Variants in CNTN4 observed in about 807,000 individuals in gnomAD.
CNTN4 encodes the protein contactin-4.
A neutral mutation model predicts 122.5 loss-of-function variants in CNTN4; 77 were observed. The observed-to-expected ratio is 0.63, with a 90% confidence interval of 0.52 to 0.76. The LOEUF is 0.76. Ranked by LOEUF, CNTN4 falls within the 30% of genes least tolerant of loss-of-function variation. The pLI is 0.00. For synonymous variants in CNTN4, 512 were observed against 447.0 expected, an observed-to-expected ratio of 1.15 and a Z score of -1.83; for missense variants, 1,256 against 1,259.1, an observed-to-expected ratio of 1.00 and a Z score of 0.04.
chr3:2,329,377 T>G (rs1193535715), intron 2 of CNTN4, among the ~76,000 whole-genome samples: 1 of 152,206 alleles, frequency 6.6e-6, no homozygotes, highest in African/African-American at 2.4e-5. Flanking sequence ...AGACCATGTT[T>G]CCTTCACTTC....
At chr3:2,825,072 G>C (rs1031563074) in intron 7 of CNTN4, among the ~76,000 whole-genome samples, 2 of 152,116 alleles carry the variant, frequency 1.3e-5, no homozygotes, top group Non-Finnish European at 2.9e-5. Context: ...GCTTTTCCTA[G>C]GTACTCATAC....
chr3:2,473,199 C>T (rs558789586), intron 3 of CNTN4, among the ~76,000 whole-genome samples: 1 of 148,692 alleles, frequency 6.7e-6, no homozygotes, highest in African/African-American at 2.5e-5. Flanking sequence ...CCACTGTGCT[C>T]CAGCCTGGGC....
intron 4 of CNTN4, among the ~76,000 whole-genome samples, chr3:2,729,562 A>AG (rs1413183372): frequency 6.7e-6 from 1 of 150,306 alleles, no homozygotes; most frequent in Non-Finnish European, 1.5e-5. Context: ...AAAAAAAAAA[A>AG]AGAAGAGAAA....
intron 6 of CNTN4, among the ~76,000 whole-genome samples, chr3:2,761,164 A>C (rs757684483): frequency 1.3e-5 from 2 of 152,198 alleles, no homozygotes; most frequent in Non-Finnish European, 2.9e-5. Context: ...GGTTTATTTT[A>C]AATGGGCGGT....
chr3:2,805,989 T>C (rs746005600), intron 6 of CNTN4, among the ~76,000 whole-genome samples: 4 of 152,012 alleles, frequency 2.6e-5, no homozygotes, highest in African/African-American at 4.8e-5. Context: ...GCAAGCTCCA[T>C]CTCCCGGGTT....
intron 3 of CNTN4, among the ~76,000 whole-genome samples, chr3:2,383,259 C>G (rs1304684641): frequency 6.6e-6 from 1 of 152,024 alleles, no homozygotes. Flanking sequence ...GCATGTGAAT[C>G]CTTTTTATAA....
intron 2 of CNTN4, among the ~76,000 whole-genome samples, chr3:2,285,458 A>T (rs756762309): frequency 6.6e-6 from 1 of 152,126 alleles, no homozygotes; most frequent in Non-Finnish European, 1.5e-5. Context: ...GAGCATTGGG[A>T]TACCTCACAG....
intron 2 of CNTN4, among the ~76,000 whole-genome samples, chr3:2,208,353 A>G (rs1246144980): frequency 6.6e-6 from 1 of 152,172 alleles, no homozygotes; most frequent in Admixed American, 6.6e-5. Context: ...AATGTGGTTG[A>G]AAGAGCAAGA....
At chr3:2,748,798 C>A (rs1210063625) in intron 6 of CNTN4, among the ~76,000 whole-genome samples, 2 of 152,190 alleles carry the variant, frequency 1.3e-5, no homozygotes, top group African/African-American at 2.4e-5. Flanking sequence ...CCAGAGTAAT[C>A]TTTTAAAAAA....
At chr3:2,396,811 T>G (rs1245710314) in intron 3 of CNTN4, among the ~76,000 whole-genome samples, 1 of 152,120 alleles carries the variant, frequency 6.6e-6, no homozygotes, top group Non-Finnish European at 1.5e-5. Flanking sequence ...TGGCATCAGC[T>G]CCTCAGAACC....
intron 16 of CNTN4, among the ~76,000 whole-genome samples, chr3:3,031,280 A>G (rs1699140997): frequency 6.6e-6 from 1 of 152,194 alleles, no homozygotes; most frequent in African/African-American, 2.4e-5. Context: ...TAGGTGAACA[A>G]AAGCAGATAG....
At chr3:2,721,637 A>G (rs2149397968) in intron 4 of CNTN4, among the ~76,000 whole-genome samples, 1 of 152,268 alleles carries the variant, frequency 6.6e-6, no homozygotes, top group Admixed American at 6.5e-5. Flanking sequence ...CAAACACACT[A>G]AGCACCCTCT....
At chr3:2,323,082 C>G (rs777112862) in intron 2 of CNTN4, among the ~76,000 whole-genome samples, 5 of 152,150 alleles carry the variant, frequency 3.3e-5, no homozygotes, top group Non-Finnish European at 7.3e-5. Context: ...CTTGCAAGAG[C>G]TCTCTTGCCT....
At chr3:2,456,995 G>A (rs957625697) in intron 3 of CNTN4, among the ~76,000 whole-genome samples, 4 of 152,016 alleles carry the variant, frequency 2.6e-5, no homozygotes, top group Admixed American at 6.6e-5. Flanking sequence ...TCTGTTTTAC[G>A]AATGAGGAAA....
At chr3:2,884,798 C>G (rs1235074171) in intron 9 of CNTN4, among the ~76,000 whole-genome samples, 2 of 152,296 alleles carry the variant, frequency 1.3e-5, no homozygotes, top group South Asian at 2.1e-4. Context: ...GAATTAAACT[C>G]TATTCACACT....
intron 2 of CNTN4, among the ~76,000 whole-genome samples, chr3:2,201,396 T>C (rs971388250): frequency 1.3e-5 from 2 of 152,184 alleles, no homozygotes; most frequent in Admixed American, 6.5e-5. Context: ...AATCAATAGC[T>C]AGGTGAATGC....
chr3:2,677,305 C>T lies in CNTN4; in HGVS notation c.56-58910C>T, dbSNP rs538312245. On this transcript the variant is annotated intron_variant, in intron 4 of 24. Coordinates refer to ENST00000418658, the MANE Select transcript of CNTN4 (RefSeq NM_175607.3). ...CTGAACACCAGACATCCAGTGAATA[C>T]AGCTGAAGATGTAACCCATTGAGAT... Among the ~76,000 whole-genome samples, 4 of 148,590 alleles carry T rather than the reference C, an allele frequency of 2.7e-5. No homozygotes were observed. In the South Asian group the frequency reaches 8.6e-4, roughly 32 times the overall value.
At chr3:2,341,349 C>G (rs947395096) in intron 3 of CNTN4, among the ~76,000 whole-genome samples, 27 of 152,096 alleles carry the variant, frequency 1.8e-4, no homozygotes, top group African/African-American at 6.3e-4. Flanking sequence ...ATTATCTTAC[C>G]CTCCCACTGT....
At chr3:2,711,920 A>G (rs1410043256) in intron 4 of CNTN4, among the ~76,000 whole-genome samples, 3 of 152,242 alleles carry the variant, frequency 2.0e-5, no homozygotes, top group Admixed American at 1.3e-4. Flanking sequence ...TTTTGAGCAT[A>G]TGAATATGCA....
Sources: allele counts gnomAD v4.1 joint callset (sites outside exome capture counted in the v4.1 genomes callset), GRCh38; gene constraint gnomAD v4.1.1; transcripts MANE v1.5; gene names NCBI Gene and HGNC (gene_info 2026-07-23, HGNC 2026-07-21).